MYH11: variants seen among roughly 807,000 people sequenced by gnomAD.
MYH11 encodes the protein myosin-11.
A neutral mutation model predicts 246.6 loss-of-function variants in MYH11; 80 were observed. The ratio of observed to expected loss-of-function variants is 0.32; its 90% CI spans 0.27 to 0.39. The LOEUF (loss-of-function observed/expected upper bound fraction) is 0.39, where lower values mean the gene tolerates loss of function less well. MYH11 is among the 10% of genes least tolerant of loss of function. The probability of loss-of-function intolerance (pLI) is 1.00; values close to 1 mark genes in which losing one functional copy is unlikely to be tolerated. For missense variants in MYH11, 2,158 were observed against 2,546.8 expected, an observed-to-expected ratio of 0.85 and a Z score of 3.29; for synonymous variants, 1,071 against 1,015.5, an observed-to-expected ratio of 1.05 and a Z score of -1.04.
chr16:15,824,658 C>T lies in MYH11; in HGVS notation c.346-1247G>A, dbSNP rs1405464825. Among the ~76,000 whole-genome samples, 3 of 152,166 alleles carry T rather than the reference C, an allele frequency of 2.0e-5. 1 individual carries two copies. Among genetic ancestry groups the T allele is most frequent in the African/African-American group, 7.2e-5 (3 of 41,436 alleles). ...CTAAAAAGGGGCTGTCCAGAGGGATCCGCAGTCATACAGAAACACAGCTGC... is the reference window on the plus strand; with the variant it reads ...CTAAAAAGGGGCTGTCCAGAGGGATTCGCAGTCATACAGAAACACAGCTGC... On this transcript the variant is annotated intron_variant, in intron 2 of 40. Transcript: ENST00000300036.
Position 15,741,518 on chromosome 16 carries a change from TCCTC to T in MYH11, c.2800_2803del (p.Glu934LysfsTer77), listed in dbSNP as rs771239519. The stretch of plus-strand genomic sequence containing the variant: ...AGCCTGTAGCTGCTGGCCCCTGTCT[TCCTC>T]CTCCTCCAGGCGGGCCTCCATCTCA... On this transcript the variant is annotated frameshift_variant, in exon 22 of 41. Coordinates refer to ENST00000300036, the MANE Select transcript of MYH11 (RefSeq NM_002474.3). LOFTEE classifies it high-confidence loss of function. 6.2e-7 allele frequency: 1 copy of T among 1,609,664 alleles called. No homozygotes were observed. The highest frequency in any genetic ancestry group is 1.3e-5 in the African/African-American group (1 of 75,046).
intron 3 of MYH11, among the ~76,000 whole-genome samples, chr16:15,822,557 T>C (rs1013683616): frequency 6.6e-6 from 1 of 152,008 alleles, no homozygotes; most frequent in African/African-American, 2.4e-5. Flanking sequence ...AAAACCCACC[T>C]TTTTAAAATT....
At chr16:15,763,741 T>TCGGGGGGC in intron 10 of MYH11, 55 bp downstream of exon 10, 3 of 646,858 alleles carry the variant, frequency 4.6e-6, no homozygotes, top group Non-Finnish European at 8.7e-6. Flanking sequence ...AAATGTCACC[T>TCGGGGGGC]CCCCCACCCC....
At chr16:15,741,023 C>A in intron 22 of MYH11, 1 of 313,894 alleles carries the variant, frequency 3.2e-6, no homozygotes, top group Non-Finnish European at 6.2e-6. Flanking sequence ...GTGGGTCCTC[C>A]AGCCCCAGAT....
chr16:15,755,803 G>C (rs1326435131), intron 14 of MYH11, among the ~76,000 whole-genome samples: 1 of 152,142 alleles, frequency 6.6e-6, no homozygotes, highest in Non-Finnish European at 1.5e-5. Flanking sequence ...GTGGTGGCAG[G>C]TGCCTGTAAT....
In MYH11 at chr16:15,720,826, C is replaced by T. The variant is rs374628714; in HGVS notation, c.4791+13G>A. 76 of 1,612,676 alleles carry T rather than the reference C, an allele frequency of 4.7e-5. No homozygotes were observed. Among genetic ancestry groups the T allele is most frequent in the East Asian group, 6.7e-5 (3 of 44,866 alleles). Reference sequence around the variant, plus strand: ...CCCGACCTCCCTCTGCTGGCCTCCCCGGCAGCACGCACCTGTCTCTGCAGT... The same window carrying T: ...CCCGACCTCCCTCTGCTGGCCTCCCTGGCAGCACGCACCTGTCTCTGCAGT... On this transcript the variant is annotated intron_variant, in intron 33 of 40. Transcript: ENST00000300036.
intron 40 of MYH11, among the ~76,000 whole-genome samples, chr16:15,710,409 T>C (rs997682928): frequency 6.6e-6 from 1 of 152,068 alleles, no homozygotes; most frequent in Non-Finnish European, 1.5e-5. Flanking sequence ...TAATCTCAGC[T>C]ACTTGGGAGG....
At chr16:15,853,972 A>G (rs1340111801) in intron 1 of MYH11, among the ~76,000 whole-genome samples, 1 of 152,188 alleles carries the variant, frequency 6.6e-6, no homozygotes, top group Non-Finnish European at 1.5e-5. Flanking sequence ...CGGAGGTTGC[A>G]GTGAGCCAAG....
At chr16:15,826,395 T>C (rs2043565790) in intron 2 of MYH11, among the ~76,000 whole-genome samples, 1 of 151,910 alleles carries the variant, frequency 6.6e-6, no homozygotes, top group African/African-American at 2.4e-5. Flanking sequence ...TGAGACCAGC[T>C]TGGGCAGCAC....
intron 23 of MYH11, among the ~76,000 whole-genome samples, chr16:15,739,155 A>G (rs1226463869): frequency 1.3e-5 from 2 of 150,676 alleles, no homozygotes; most frequent in Admixed American, 1.3e-4. Context: ...GGTGGAGTGC[A>G]GTGTTGCTAT....
chr16:15,760,750 A>G, intron 10 of MYH11, 92 bp from the exon 11 acceptor site: 1 of 924,550 alleles, frequency 1.1e-6, no homozygotes, highest in Non-Finnish European at 1.8e-6. Context: ...ATCTGTGAAT[A>G]CAGCGGGTTC....
chr16:15,853,132 C>T (rs989032266), intron 1 of MYH11, among the ~76,000 whole-genome samples: 1 of 152,052 alleles, frequency 6.6e-6, no homozygotes, highest in Admixed American at 6.6e-5. Context: ...CAGCCTGGTA[C>T]AGTAAAGTTC....
At chr16:15,781,126 A>T (rs2042343788) in intron 6 of MYH11, among the ~76,000 whole-genome samples, 1 of 152,168 alleles carries the variant, frequency 6.6e-6, no homozygotes, top group East Asian at 1.9e-4. Flanking sequence ...GGCTGGTCTC[A>T]AACTCTTGAG....
At chr16:15,836,725 T>C (rs550060821) in intron 2 of MYH11, among the ~76,000 whole-genome samples, 37 of 132,574 alleles carry the variant, frequency 2.8e-4, no homozygotes, top group African/African-American at 9.9e-4. Context: ...GTTTCTTTTT[T>C]TTTTTTTTTT....
intron 25 of MYH11, among the ~76,000 whole-genome samples, chr16:15,737,115 G>A (rs976174278): frequency 2.0e-5 from 3 of 152,210 alleles, no homozygotes; most frequent in African/African-American, 7.2e-5. Flanking sequence ...TTGAGATGAC[G>A]GTGGAAATTG....
chr16:15,763,741 T>TCGCGCCCCCCCCCCCCCCCC, intron 10 of MYH11, 55 bp downstream of exon 10: 1 of 646,862 alleles, frequency 1.5e-6, no homozygotes. Flanking sequence ...AAATGTCACC[T>TCGCGCCCCCCCCCCCCCCCC]CCCCCACCCC....
chr16:15,826,310 G>A (rs2043563830), intron 2 of MYH11, among the ~76,000 whole-genome samples: 1 of 152,058 alleles, frequency 6.6e-6, no homozygotes, highest in Admixed American at 6.6e-5. Flanking sequence ...AAGTCTGGCT[G>A]GGTGTGGTGG....
intron 17 of MYH11, 33 bp downstream of exon 17, chr16:15,748,014 C>T: frequency 6.2e-7 from 1 of 1,614,224 alleles, no homozygotes; most frequent in Non-Finnish European, 8.5e-7. Context: ...CCGCTCACCC[C>T]CTGCCCTACC....
intron 19 of MYH11, among the ~76,000 whole-genome samples, chr16:15,745,582 C>CTTTTTTTTTTTTTTTT (rs71981525): frequency 3.2e-5 from 3 of 94,410 alleles, no homozygotes; most frequent in East Asian, 3.8e-4. Context: ...TTCTTTCTTT[C>CTTTTTTTTTTTTTTTT]TTTTTTTTTT....
Sources: gnomAD v4.1 joint callset for allele counts (sites outside exome capture counted in the v4.1 genomes callset) on GRCh38, gnomAD v4.1.1 for gene constraint, MANE v1.5 for transcripts, NCBI Gene and HGNC (gene_info 2026-07-23, HGNC 2026-07-21) for gene names.